The following ZFHX4 variants were observed in gnomAD, a reference collection of about 807,000 sequenced individuals.
ZFHX4 encodes zinc finger homeobox protein 4.
A neutral mutation model predicts 267.6 loss-of-function variants in ZFHX4; 56 were observed. That is an observed-to-expected ratio of 0.21 (90% CI 0.17 to 0.26). The LOEUF (loss-of-function observed/expected upper bound fraction) is 0.26, where lower values mean the gene tolerates loss of function less well. ZFHX4 is among the 10% of genes least tolerant of loss of function. The pLI, the probability that ZFHX4 is intolerant of heterozygous loss-of-function variation, is 1.00. For missense variants in ZFHX4, 4,332 were observed against 4,420.0 expected (o/e 0.98, Z 0.56); for synonymous variants, 1,778 against 1,665.6 (o/e 1.07, Z -1.64).
intron 3 of ZFHX4, among the ~76,000 whole-genome samples, chr8:76,751,916 T>C (rs1416717602): frequency 6.6e-6 from 1 of 152,172 alleles, no homozygotes; most frequent in Non-Finnish European, 1.5e-5. Flanking sequence ...ATCACTCTTA[T>C]GCTGAGAGTA....
At chr8:76,728,176 G>T (rs1465151236) in intron 3 of ZFHX4, among the ~76,000 whole-genome samples, 1 of 152,142 alleles carries the variant, frequency 6.6e-6, no homozygotes. Flanking sequence ...TCTGTCTCAA[G>T]AATTATATTA....
chr8:76,829,423 G>A (rs1403672560), intron 4 of ZFHX4, among the ~76,000 whole-genome samples: 2 of 151,978 alleles, frequency 1.3e-5, no homozygotes, highest in East Asian at 3.9e-4. Flanking sequence ...GGAGTAATGA[G>A]TTGGAGACTC....
At chr8:76,801,589 A>G (rs1240033685) in intron 4 of ZFHX4, among the ~76,000 whole-genome samples, 3 of 152,178 alleles carry the variant, frequency 2.0e-5, no homozygotes, top group Non-Finnish European at 2.9e-5. Flanking sequence ...ACCAAAATAG[A>G]AAGAATTCCA....
chr8:76,846,824 G>T (rs1219891503), intron 6 of ZFHX4, among the ~76,000 whole-genome samples: 1 of 152,000 alleles, frequency 6.6e-6, no homozygotes, highest in Non-Finnish European at 1.5e-5. Flanking sequence ...GTTTCTGAAA[G>T]ATTTATTCTA....
intron 3 of ZFHX4, among the ~76,000 whole-genome samples, chr8:76,728,528 G>A (rs985620225): frequency 2.0e-5 from 3 of 152,184 alleles, no homozygotes; most frequent in African/African-American, 7.2e-5. Context: ...CTAGTAAAAG[G>A]TATAGTTAAT....
At chr8:76,708,136 G>GA (rs751858242) in intron 3 of ZFHX4, 88 bp downstream of exon 3, 1,562 of 1,483,332 alleles carry the variant, frequency 1.1e-3, no homozygotes, top group Non-Finnish European at 1.2e-3. Context: ...CCAACTTAAG[G>GA]AAAAAAAAAG....
At chr8:76,779,767 G>A (rs574702121) in intron 4 of ZFHX4, among the ~76,000 whole-genome samples, 11 of 152,026 alleles carry the variant, frequency 7.2e-5, no homozygotes, top group South Asian at 2.1e-4. Context: ...ACTGGGCTGC[G>A]TGCCACGATT....
chr8:76,847,860 A>G (rs1344532466), intron 6 of ZFHX4, among the ~76,000 whole-genome samples: 4 of 152,106 alleles, frequency 2.6e-5, no homozygotes, highest in Non-Finnish European at 4.4e-5. Flanking sequence ...GGATTGAAAA[A>G]AAATCAAGAT....
rs1808193340 is a variant in ZFHX4, at chr8:76,704,548, A to G, written c.460A>G (p.Thr154Ala). Residue 154 changes from threonine (T) to alanine (A), a missense_variant, in exon 2 of 11, where the codon ACT (threonine) becomes GCT (alanine). Around this residue, in one of 7 missense-constraint regions of ZFHX4, gnomAD observed 1,195 missense variants for 1,173.6 expected, o/e 1.02. Transcript: ENST00000651372. ...DSKESGQNAQ[T>A]GANSKLFSTA... ...CAAAGAAAGTGGGCAGAATGCACAGACTGGGGCAAATAGCAAACTCTTTTC... is the reference window on the plus strand; with the variant it reads ...CAAAGAAAGTGGGCAGAATGCACAGGCTGGGGCAAATAGCAAACTCTTTTC... 1 of 1,614,012 alleles carries G rather than the reference A, an allele frequency of 6.2e-7. No individual in the cohort carries two copies. The highest frequency in any genetic ancestry group is 2.2e-5 in the East Asian group (1 of 44,882).
At chr8:76,750,604 G>C (rs370785392) in intron 3 of ZFHX4, among the ~76,000 whole-genome samples, 1 of 152,016 alleles carries the variant, frequency 6.6e-6, no homozygotes, top group African/African-American at 2.4e-5. Flanking sequence ...TCCAAACTGC[G>C]TCTTTGTGAT....
At chr8:76,842,134 A>C (rs976203460) in intron 5 of ZFHX4, among the ~76,000 whole-genome samples, 1 of 152,096 alleles carries the variant, frequency 6.6e-6, no homozygotes, top group African/African-American at 2.4e-5. Flanking sequence ...AAAATCCCCA[A>C]TGTAACTGAA....
chr8:76,831,390 A>G (rs188508751), intron 4 of ZFHX4, among the ~76,000 whole-genome samples: 67 of 152,192 alleles, frequency 4.4e-4, no homozygotes, highest in African/African-American at 1.6e-3. Flanking sequence ...TTACATGCAC[A>G]CACATAGAGA....
chr8:76,778,491 T>TCACA (rs1491079901), intron 4 of ZFHX4, 52 bp downstream of exon 4: 16 of 1,291,112 alleles, frequency 1.2e-5, no homozygotes, highest in Admixed American at 5.2e-5. Flanking sequence ...CACCACTTCA[T>TCACA]CACACACACA....
At chr8:76,799,004 T>A (rs1811053115) in intron 4 of ZFHX4, among the ~76,000 whole-genome samples, 1 of 152,208 alleles carries the variant, frequency 6.6e-6, no homozygotes, top group Admixed American at 6.6e-5. Flanking sequence ...TATAAAGTCA[T>A]CTTTCTTTCA....
In ZFHX4 at chr8:76,864,577, G is replaced by A. The variant is rs756884261; in HGVS notation, c.*12G>A. On this transcript the variant is annotated 3_prime_UTR_variant, in exon 11 of 11. Transcript: ENST00000651372. ...TGTTCAGTGTGTAGGAGTGAAGACA[G>A]GATCCCGTGCTTAAAAAAATAAAAA... The A allele has an allele frequency of 2.1e-6, 3 of 1,448,180 alleles. No homozygotes were observed. The highest frequency in any genetic ancestry group is 1.5e-5 in the South Asian group (1 of 65,224). 89.7% of individuals were successfully genotyped at this position (1,448,180 alleles called of 1,614,324 possible). A position where few individuals can be genotyped will look rare whatever the true frequency, so the allele number is the denominator to read the frequency against.
At chr8:76,731,892 T>TATTATTATTATTA in intron 3 of ZFHX4, among the ~76,000 whole-genome samples, 1 of 149,762 alleles carries the variant, frequency 6.7e-6, no homozygotes, top group East Asian at 2.0e-4. Flanking sequence ...TTATTATTAT[T>TATTATTATTATTA]TTTGAGACAG....
intron 3 of ZFHX4, among the ~76,000 whole-genome samples, chr8:76,708,899 CTT>C (rs938504093): frequency 1.3e-5 from 2 of 152,124 alleles, no homozygotes; most frequent in African/African-American, 4.8e-5. Context: ...AACTTGGTAA[CTT>C]ATTAAAAACT....
intron 3 of ZFHX4, among the ~76,000 whole-genome samples, chr8:76,757,846 T>C (rs1809804304): frequency 6.6e-6 from 1 of 152,030 alleles, no homozygotes. Flanking sequence ...AAGGGAGTCT[T>C]AGTGCGTAGC....
chr8:76,707,933 T>C lies in ZFHX4; in HGVS notation c.2978T>C (p.Ile993Thr), dbSNP rs779958891. ...SNEWRLKCIA[I>T]GNPVHLKCNA... Reference sequence around the variant, plus strand: ...GAGTGGAGGTTGAAGTGTATTGCCATTGGCAACCCTGTTCACCTAAAATGT... The same window carrying C: ...GAGTGGAGGTTGAAGTGTATTGCCACTGGCAACCCTGTTCACCTAAAATGT... Residue 993 changes from isoleucine (I) to threonine (T), a missense_variant, in exon 3 of 11, where the codon ATT becomes ACT. Coordinates refer to ENST00000651372, the MANE Select transcript of ZFHX4 (RefSeq NM_024721.5). 1.9e-6 allele frequency: 3 copies of C among 1,613,934 alleles called. No homozygotes were observed. The highest frequency in any genetic ancestry group is 1.7e-5 in the Admixed American group (1 of 60,004).
Sources: gnomAD v4.1 joint callset for allele counts (sites outside exome capture counted in the v4.1 genomes callset) on GRCh38, gnomAD v4.1.1 for gene constraint, gnomAD v4.1.1 regional missense constraint, MANE v1.5 for transcripts, NCBI Gene and HGNC (gene_info 2026-07-23, HGNC 2026-07-21) for gene names.